Variants in CSMD3 observed in about 807,000 individuals in gnomAD.
The protein encoded by CSMD3 is CUB and Sushi multiple domains 3, also known as CUB and sushi domain-containing protein 3.
CSMD3 carries 177 observed loss-of-function variants against 435.2 expected under a neutral mutation model. That is an observed-to-expected ratio of 0.41 (90% CI 0.36 to 0.46). The LOEUF is 0.46. Ranked by LOEUF, CSMD3 falls within the 20% of genes least tolerant of loss-of-function variation. The probability of loss-of-function intolerance (pLI) is 0.34; values close to 1 mark genes in which losing one functional copy is unlikely to be tolerated. For missense variants in CSMD3, 4,265 were observed against 4,504.6 expected, an observed-to-expected ratio of 0.95 and a Z score of 1.52; for synonymous variants, 1,656 against 1,520.5, an observed-to-expected ratio of 1.09 and a Z score of -2.07.
At chr8:112,981,435 T>C (rs1349696038) in intron 6 of CSMD3, among the ~76,000 whole-genome samples, 1 of 151,636 alleles carries the variant, frequency 6.6e-6, no homozygotes, top group Non-Finnish European at 1.5e-5. Flanking sequence ...TACTGACATA[T>C]TGATATGTTT....
At position 112,310,972 on chromosome 8, in the gene CSMD3, C is replaced by T. The variant is rs766440184; in HGVS notation, c.7885+6G>A. 6.2e-7 allele frequency: 1 copy of T among 1,612,950 alleles called. No homozygotes were observed. Among genetic ancestry groups the T allele is most frequent in the African/African-American group, 1.3e-5 (1 of 74,856 alleles). On this transcript the variant is annotated splice_donor_region_variant and intron_variant, in intron 50 of 70. Transcript: ENST00000297405. ...TTTTTGTTCATTTTGGCATAATATA[C>T]TTCACCTTGACAGGCAGGGACTGGC...
intron 6 of CSMD3, among the ~76,000 whole-genome samples, chr8:112,979,569 C>A (rs2084972459): frequency 6.6e-6 from 1 of 151,194 alleles, no homozygotes; most frequent in Admixed American, 6.6e-5. Context: ...TTATGTATAG[C>A]AATAATTCAA....
chr8:112,931,361 A>G (rs972734283), intron 9 of CSMD3, among the ~76,000 whole-genome samples: 1 of 152,092 alleles, frequency 6.6e-6, no homozygotes, highest in Non-Finnish European at 1.5e-5. Flanking sequence ...CACTCTCTTC[A>G]ATAAATGGTG....
At chr8:113,191,875 A>G (rs1279434246) in intron 3 of CSMD3, among the ~76,000 whole-genome samples, 1 of 151,738 alleles carries the variant, frequency 6.6e-6, no homozygotes, top group Admixed American at 6.6e-5. Context: ...CCTCCAATGC[A>G]TGTGTTCCCT....
chr8:113,250,606 G>C (rs1478039416), intron 3 of CSMD3, among the ~76,000 whole-genome samples: 1 of 152,080 alleles, frequency 6.6e-6, no homozygotes, highest in Non-Finnish European at 1.5e-5. Context: ...TGTGTGTATG[G>C]AACAGGATGG....
intron 11 of CSMD3, among the ~76,000 whole-genome samples, chr8:112,844,780 C>G (rs938986707): frequency 2.6e-5 from 4 of 151,890 alleles, no homozygotes; most frequent in African/African-American, 2.4e-5. Flanking sequence ...AATTGAAAAG[C>G]CTGTGCATCT....
chr8:112,808,427 C>CA (rs1408742188), intron 12 of CSMD3, among the ~76,000 whole-genome samples: 7 of 152,064 alleles, frequency 4.6e-5, no homozygotes, highest in Non-Finnish European at 8.8e-5. Flanking sequence ...TTGGTTCCTT[C>CA]ACTTGCAGCC....
rs576994543 is a variant in CSMD3 at position 113,186,022 on chromosome 8, A to C, written c.515-12106T>G. Among the ~76,000 whole-genome samples, 5 of 152,114 alleles carry C rather than the reference A, an allele frequency of 3.3e-5. No homozygotes were observed. The East Asian group carries it at 5.9e-4, about 18-fold the overall frequency. On this transcript the variant is annotated intron_variant, in intron 3 of 70. Transcript: ENST00000297405. ...TCTTATTGACATTATGTGCCTGAGA[A>C]GGTATAAAAGGAGCCTGATCAGATT...
chr8:112,261,618 T>C (rs1816408744), intron 61 of CSMD3, among the ~76,000 whole-genome samples: 1 of 152,048 alleles, frequency 6.6e-6, no homozygotes, highest in African/African-American at 2.4e-5. Flanking sequence ...GACAACAATA[T>C]TCTTGAACAT....
intron 5 of CSMD3, among the ~76,000 whole-genome samples, chr8:113,085,098 A>G (rs1421125538): frequency 1.3e-5 from 2 of 152,244 alleles, no homozygotes; most frequent in African/African-American, 2.4e-5. Flanking sequence ...ATGAGACTCT[A>G]TTAAACTAAA....
At chr8:112,656,107 G>C (rs771366345) in intron 18 of CSMD3, 47 bp downstream of exon 18, 6 of 1,015,050 alleles carry the variant, frequency 5.9e-6, no homozygotes, top group Non-Finnish European at 9.4e-6. Flanking sequence ...AATACAAAAA[G>C]TAGGGCAAAC....
intron 22 of CSMD3, among the ~76,000 whole-genome samples, chr8:112,628,299 T>A (rs1834654000): frequency 6.6e-6 from 1 of 152,160 alleles, no homozygotes; most frequent in African/African-American, 2.4e-5. Context: ...TTTCTCACCA[T>A]ATTCAATTTT....
intron 8 of CSMD3, among the ~76,000 whole-genome samples, chr8:112,954,200 A>T (rs988526788): frequency 5.3e-5 from 8 of 151,586 alleles, no homozygotes; most frequent in African/African-American, 1.9e-4. Context: ...ATTTTATAAA[A>T]TATTTGATTT....
intron 30 of CSMD3, among the ~76,000 whole-genome samples, chr8:112,494,519 C>G (rs1343501159): frequency 9.3e-6 from 1 of 107,404 alleles, no homozygotes; most frequent in Admixed American, 9.7e-5. Flanking sequence ...TTCTTTCTTT[C>G]TTTCTTTCTT....
At chr8:112,921,338 C>G (rs1205226534) in intron 10 of CSMD3, among the ~76,000 whole-genome samples, 3 of 151,858 alleles carry the variant, frequency 2.0e-5, no homozygotes, top group South Asian at 4.1e-4. Flanking sequence ...ATTGCCTATA[C>G]AGACAGGGTA....
chr8:112,489,186 G>T (rs1820436238), intron 31 of CSMD3, among the ~76,000 whole-genome samples: 1 of 152,194 alleles, frequency 6.6e-6, no homozygotes, highest in African/African-American at 2.4e-5. Context: ...GGGAGGCCAA[G>T]GCGGGAGGAT....
intron 36 of CSMD3, among the ~76,000 whole-genome samples, chr8:112,383,953 A>C (rs1424423338): frequency 6.6e-6 from 1 of 152,192 alleles, no homozygotes; most frequent in Non-Finnish European, 1.5e-5. Context: ...ATTTGAGCTA[A>C]TCTAATGACT....
chr8:112,705,036 A>C (rs1156851905), intron 13 of CSMD3, among the ~76,000 whole-genome samples: 1 of 152,120 alleles, frequency 6.6e-6, no homozygotes, highest in Non-Finnish European at 1.5e-5. Context: ...TGTATGATCA[A>C]TTCACTTCAG....
chr8:112,436,094 T>G (rs912886603), intron 32 of CSMD3, among the ~76,000 whole-genome samples: 8 of 151,918 alleles, frequency 5.3e-5, no homozygotes, highest in South Asian at 2.1e-4. Flanking sequence ...AGAATCATCT[T>G]GGATGCTTTT....
Sources: gnomAD v4.1 joint callset for allele counts (sites outside exome capture counted in the v4.1 genomes callset) on GRCh38, gnomAD v4.1.1 for gene constraint, MANE v1.5 for transcripts, NCBI Gene and HGNC (gene_info 2026-07-23, HGNC 2026-07-21) for gene names.